Variants in LATS2 observed in about 807,000 individuals in gnomAD.
The protein encoded by LATS2 is serine/threonine-protein kinase LATS2.
In LATS2, 24 loss-of-function variants were observed where a neutral mutation model predicts 76.0. The ratio of observed to expected loss-of-function variants is 0.32; its 90% CI spans 0.23 to 0.44. The LOEUF (loss-of-function observed/expected upper bound fraction) is 0.44. Among genes scored for constraint, LATS2 ranks in the 20% least tolerant of loss-of-function variants. The pLI is 1.00. For synonymous variants in LATS2, 692 were observed against 635.4 expected (o/e 1.09, Z -1.34); for missense variants, 1,286 against 1,481.2 (o/e 0.87, Z 2.16).
chr13:20,975,340 G>C lies in LATS2; in HGVS notation c.2797C>G (p.His933Asp). 2 of 1,577,622 alleles carry C rather than the reference G, an allele frequency of 1.3e-6. No individual in the cohort carries two copies. The highest frequency in any genetic ancestry group is 1.7e-6 in the Non-Finnish European group (2 of 1,162,312). The change falls in exon 8 of 8, where the codon CAC becomes GAC. Residue 933 changes from histidine to aspartate, a missense_variant. His to Asp is a moderately conservative substitution (Grantham distance 81). Transcript: ENST00000382592. ...LKVINWENTLHIPAQVKLSPE... is the reference protein window; with the variant it reads ...LKVINWENTLDIPAQVKLSPE... Reference sequence around the variant, plus strand: ...CTCAGCTTCACCTGGGCTGGAATGTGGAGCGTGTTCTCCCAGTTGATCACC... The same window carrying C: ...CTCAGCTTCACCTGGGCTGGAATGTCGAGCGTGTTCTCCCAGTTGATCACC...
Position 21,045,680 on chromosome 13 carries a change from C to T in LATS2, c.342+5G>A, listed in dbSNP as rs1350430702. On this transcript the variant is annotated splice_donor_5th_base_variant and intron_variant, in intron 2 of 7. Transcript: ENST00000382592. ...GCACATGGCCCTGCAGAGGTCTGTA[C>T]CCACCTGGTCGCATCCTGCGTTCAC... 5 of 1,610,240 alleles carry T rather than the reference C, an allele frequency of 3.1e-6. No homozygotes were observed. The highest frequency in any genetic ancestry group is 4.2e-6 in the Non-Finnish European group (5 of 1,177,920).
Position 21,017,180 on chromosome 13 carries a change from G to A in LATS2, c.343-25776C>T, listed in dbSNP as rs548077202. On this transcript the variant is annotated intron_variant, in intron 2 of 7. Coordinates refer to ENST00000382592, the MANE Select transcript of LATS2 (RefSeq NM_014572.3). ...GGCAGCCAGCACAGTGAAATAAAAC[G>A]GACGATAGCCATTAATCATCCAACT... Among the ~76,000 whole-genome samples, 14 of 152,252 alleles carry A rather than the reference G, an allele frequency of 9.2e-5. No homozygotes were observed. The East Asian group carries it at 1.5e-3, about 17-fold the overall frequency.
intron 1 of LATS2, among the ~76,000 whole-genome samples, chr13:21,048,285 G>A (rs1805823351): frequency 6.6e-6 from 1 of 152,220 alleles, no homozygotes; most frequent in African/African-American, 2.4e-5. Flanking sequence ...GTATGTCTGG[G>A]AAGAGGCAGT....
chr13:21,014,778 T>C (rs926524842), intron 2 of LATS2, among the ~76,000 whole-genome samples: 22 of 152,226 alleles, frequency 1.4e-4, no homozygotes, highest in Non-Finnish European at 2.9e-4. Flanking sequence ...AGAATGTTTG[T>C]TGAGTGGTTT....
intron 2 of LATS2, among the ~76,000 whole-genome samples, chr13:21,007,559 AT>A (rs1871320260): frequency 6.0e-5 from 1 of 16,616 alleles, no homozygotes; most frequent in African/African-American, 7.9e-4. Flanking sequence ...ATATATATAT[AT>A]ATATATATAT....
chr13:21,023,768 A>T (rs9550694), intron 2 of LATS2, among the ~76,000 whole-genome samples: 1 of 150,696 alleles, frequency 6.6e-6, no homozygotes, highest in African/African-American at 2.4e-5. Flanking sequence ...GAGGTCGGGA[A>T]TTCAAGACCA....
chr13:21,049,154 A>T lies in LATS2; in HGVS notation c.-204-2924T>A, dbSNP rs143772707. ...CAATGCAGGCTCTTCCTGGAGACATAGGAGGTCAAAGGACTCGGGGGTAGT... is the reference window on the plus strand; with the variant it reads ...CAATGCAGGCTCTTCCTGGAGACATTGGAGGTCAAAGGACTCGGGGGTAGT... On this transcript the variant is annotated intron_variant, in intron 1 of 7. Transcript: ENST00000382592. Among the ~76,000 whole-genome samples the T allele has an allele frequency of 7.2e-5, 11 of 152,270 alleles. No homozygotes were observed. In the East Asian group the frequency reaches 2.1e-3, roughly 29 times the overall value.
chr13:21,021,933 C>G (rs1221644051), intron 2 of LATS2, among the ~76,000 whole-genome samples: 1 of 152,054 alleles, frequency 6.6e-6, no homozygotes, highest in Non-Finnish European at 1.5e-5. Context: ...AGAGAAAAAC[C>G]AAAAATCTTT....
At chr13:21,025,393 CAAAA>C (rs1171981071) in intron 2 of LATS2, among the ~76,000 whole-genome samples, 2 of 49,748 alleles carry the variant, frequency 4.0e-5, no homozygotes, top group Non-Finnish European at 4.3e-5. Context: ...ACTCCGTCTC[CAAAA>C]AAAAAAAAAA....
chr13:20,984,690 GAA>G (rs911445124), intron 4 of LATS2, among the ~76,000 whole-genome samples: 2 of 152,016 alleles, frequency 1.3e-5, no homozygotes, highest in African/African-American at 4.8e-5. Context: ...ACAAACAAAT[GAA>G]AAGAGATCCC....
chr13:21,033,798 G>A (rs1595248246), intron 2 of LATS2, among the ~76,000 whole-genome samples: 1 of 151,470 alleles, frequency 6.6e-6, no homozygotes, highest in Non-Finnish European at 1.5e-5. Context: ...TTCTTGGCTG[G>A]AGAAATTTGT....
intron 2 of LATS2, among the ~76,000 whole-genome samples, chr13:20,992,289 G>T (rs2138298625): frequency 6.6e-6 from 1 of 152,312 alleles, no homozygotes; most frequent in Non-Finnish European, 1.5e-5. Flanking sequence ...ATGGGGGCCA[G>T]GCTCTCCAGG....
chr13:21,038,224 C>T (rs1872745010), intron 2 of LATS2, among the ~76,000 whole-genome samples: 1 of 151,884 alleles, frequency 6.6e-6, no homozygotes, highest in Admixed American at 6.6e-5. Flanking sequence ...GGAGCCTGTA[C>T]CGGGGGCAGG....
chr13:20,975,242 A>G lies in LATS2; in HGVS notation c.2895T>C (p.Asp965=). 6.2e-7 allele frequency: 1 copy of G among 1,614,220 alleles called. No individual in the cohort carries two copies. ...ADHRLGRNGA[D]DLKAHPFFSA... ...TGAAGAAGGGGTGGGCCTTCAGGTCATCGGCCCCATTCCGCCCCAGGCGGT... is the reference window on the plus strand; with the variant it reads ...TGAAGAAGGGGTGGGCCTTCAGGTCGTCGGCCCCATTCCGCCCCAGGCGGT... Residue 965 remains aspartate, a synonymous_variant, in exon 8 of 8, where the codon GAT becomes GAC. Coordinates refer to ENST00000382592, the MANE Select transcript of LATS2 (RefSeq NM_014572.3).
chr13:21,023,517 A>C (rs901398005), intron 2 of LATS2, among the ~76,000 whole-genome samples: 14 of 152,070 alleles, frequency 9.2e-5, no homozygotes, highest in African/African-American at 3.1e-4. Flanking sequence ...AGGCGGGGCC[A>C]GGACTCTCCA....
intron 2 of LATS2, among the ~76,000 whole-genome samples, chr13:21,027,506 T>A (rs758543844): frequency 1.3e-5 from 2 of 152,244 alleles, no homozygotes; most frequent in Non-Finnish European, 2.9e-5. Context: ...TGAATTTTCA[T>A]GGTACTTGTG....
At chr13:21,008,181 G>C (rs1871434135) in intron 2 of LATS2, among the ~76,000 whole-genome samples, 1 of 150,694 alleles carries the variant, frequency 6.6e-6, no homozygotes, top group Non-Finnish European at 1.5e-5. Flanking sequence ...GCTCGCTGCT[G>C]CATTGCCAGC....
At chr13:21,009,191 A>G (rs2138337925) in intron 2 of LATS2, among the ~76,000 whole-genome samples, 1 of 152,352 alleles carries the variant, frequency 6.6e-6, no homozygotes, top group African/African-American at 2.4e-5. Context: ...GAATGAATGA[A>G]TAAAGAAGCA....
At chr13:20,997,053 C>T (rs1390831972) in intron 2 of LATS2, among the ~76,000 whole-genome samples, 3 of 152,088 alleles carry the variant, frequency 2.0e-5, no homozygotes, top group Non-Finnish European at 4.4e-5. Flanking sequence ...TGGCCCTGGA[C>T]CAGATAGAAG....
Sources: gnomAD v4.1 joint callset for allele counts (sites outside exome capture counted in the v4.1 genomes callset) on GRCh38, gnomAD v4.1.1 for gene constraint, MANE v1.5 for transcripts, NCBI Gene and HGNC (gene_info 2026-07-23, HGNC 2026-07-21) for gene names.